Variants in DUSP16 observed in about 807,000 individuals in gnomAD.
The protein encoded by DUSP16 is dual specificity protein phosphatase 16.
In DUSP16, 21 loss-of-function variants were observed where a neutral mutation model predicts 58.3. That is an observed-to-expected ratio of 0.36 (90% CI 0.26 to 0.52). The LOEUF (loss-of-function observed/expected upper bound fraction) is 0.52. Ranked by LOEUF, DUSP16 falls within the 20% of genes least tolerant of loss-of-function variation. DUSP16 has a pLI of 0.94. For missense variants in DUSP16, 726 were observed against 819.0 expected, an observed-to-expected ratio of 0.89 and a Z score of 1.39; for synonymous variants, 320 against 323.8, an observed-to-expected ratio of 0.99 and a Z score of 0.12.
intron 3 of DUSP16, among the ~76,000 whole-genome samples, chr12:12,515,576 C>T (rs1448368138): frequency 6.6e-6 from 1 of 152,060 alleles, no homozygotes; most frequent in African/African-American, 2.4e-5. Flanking sequence ...GATCCGCCCG[C>T]CTCGGCCTCC....
intron 1 of DUSP16, among the ~76,000 whole-genome samples, chr12:12,543,890 A>G (rs1427383972): frequency 6.6e-6 from 1 of 151,682 alleles, no homozygotes; most frequent in Non-Finnish European, 1.5e-5. Context: ...TCTCCCTTAC[A>G]GCATTGATAA....
At chr12:12,481,587 G>A (rs1242342105) in intron 5 of DUSP16, among the ~76,000 whole-genome samples, 1 of 152,154 alleles carries the variant, frequency 6.6e-6, no homozygotes, top group African/African-American at 2.4e-5. Context: ...CTAGTGTAAT[G>A]ATTATTATAT....
chr12:12,553,134 A>T (rs1426773194), intron 1 of DUSP16, among the ~76,000 whole-genome samples: 1 of 152,090 alleles, frequency 6.6e-6, no homozygotes, highest in Non-Finnish European at 1.5e-5. Context: ...TTCAGTTTTA[A>T]TTTCTAATGT....
At chr12:12,532,798 C>T (rs1944409928) in intron 1 of DUSP16, among the ~76,000 whole-genome samples, 1 of 151,902 alleles carries the variant, frequency 6.6e-6, no homozygotes, top group Non-Finnish European at 1.5e-5. Context: ...AAATACAAAA[C>T]TTAGCTGGGC....
intron 4 of DUSP16, 61 bp downstream of exon 4, chr12:12,500,458 C>A: frequency 6.6e-7 from 1 of 1,507,296 alleles, no homozygotes; most frequent in Non-Finnish European, 8.9e-7. Flanking sequence ...TAATGGGTAA[C>A]TGCTGTTTCT....
chr12:12,532,264 G>C (rs908902917), intron 1 of DUSP16, among the ~76,000 whole-genome samples: 2 of 152,162 alleles, frequency 1.3e-5, no homozygotes, highest in African/African-American at 4.8e-5. Context: ...GTATAAGAAA[G>C]GGACAGACTG....
In DUSP16 at chr12:12,477,804, C is replaced by G. The variant is rs367623951; in HGVS notation, c.1027G>C (p.Asp343His). ...SETPLSPPCA[D>H]SATSEAAGQR... ...CCTGCTGCCTCTGAGGTAGCAGAGT[C>G]GGCACAGGGTGGACTGAGGGGCGTC... Residue 343 changes from aspartate (D) to histidine (H), a missense_variant, in exon 7 of 7, where the codon GAC (aspartate) becomes CAC (histidine). Transcript: ENST00000298573. This position sits in a 1 kb window ranked among gnomAD's most constrained non-coding sequence, Gnocchi z 4.1. 1 of 1,613,952 alleles carries G rather than the reference C, an allele frequency of 6.2e-7. No homozygotes were observed. Among genetic ancestry groups the G allele is most frequent in the Admixed American group, 1.7e-5 (1 of 59,998 alleles).
chr12:12,522,981 G>A (rs922144774), intron 1 of DUSP16, among the ~76,000 whole-genome samples: 10 of 152,184 alleles, frequency 6.6e-5, no homozygotes, highest in Admixed American at 3.9e-4. Flanking sequence ...TCCAAAAACA[G>A]TTTAAGATTC....
rs562419640 is a variant in DUSP16 at position 12,514,883 on chromosome 12, T to C, written c.367+4979A>G. 3.3e-5 allele frequency among the ~76,000 whole-genome samples: 5 copies of C among 152,258 alleles called. No homozygotes were observed. The South Asian group carries it at 1.0e-3, about 32-fold the overall frequency. ...TCTGTTGGCCAGGCAGGTCTCAAAC[T>C]CCTGAGCTCAAGTGATCCTCCTGCC... On this transcript the variant is annotated intron_variant, in intron 3 of 6. Transcript: ENST00000298573.
At chr12:12,492,335 C>T (rs1213397020) in intron 4 of DUSP16, among the ~76,000 whole-genome samples, 1 of 152,064 alleles carries the variant, frequency 6.6e-6, no homozygotes, top group Non-Finnish European at 1.5e-5. Context: ...CTGAAACAGT[C>T]AGAGGCAAAT....
intron 1 of DUSP16, among the ~76,000 whole-genome samples, chr12:12,561,305 A>C (rs568603079): frequency 1.3e-5 from 2 of 152,308 alleles, no homozygotes; most frequent in Non-Finnish European, 2.9e-5. Context: ...GAATCCTTGC[A>C]GTTGATGTTT....
chr12:12,506,020 C>A (rs1943990490), intron 3 of DUSP16: 1 of 152,212 alleles, frequency 6.6e-6, no homozygotes, highest in African/African-American at 2.4e-5. Context: ...TTTCACTGAT[C>A]TTTATCTATG....
chr12:12,562,806 C>T lies in DUSP16; in HGVS notation c.-1055G>A, dbSNP rs936103531. On this transcript the variant is annotated 5_prime_UTR_variant, in exon 1 of 7. Coordinates refer to ENST00000298573, the MANE Select transcript of DUSP16 (RefSeq NM_030640.3). The stretch of plus-strand genomic sequence containing the variant: ...GAGCCCGGAGCGCGGCTCCGCGCCT[C>T]GTTCCGGCCGCTCGGGGAGGGGTCA... 5.5e-4 allele frequency among the ~76,000 whole-genome samples: 83 copies of T among 151,748 alleles called. 1 individual carries two copies. In the South Asian group the frequency reaches 0.017, roughly 31 times the overall value.
At chr12:12,485,786 C>CTTTTT (rs749939375) in intron 5 of DUSP16, among the ~76,000 whole-genome samples, 2 of 107,698 alleles carry the variant, frequency 1.9e-5, no homozygotes, top group South Asian at 3.0e-4. Flanking sequence ...GCCAATTCCA[C>CTTTTT]TTTTTTTTTT....
chr12:12,527,097 G>A (rs991015955), intron 1 of DUSP16, among the ~76,000 whole-genome samples: 2 of 152,310 alleles, frequency 1.3e-5, no homozygotes, highest in African/African-American at 4.8e-5. Context: ...ATTTGGTTGG[G>A]CTAGAGCTCA....
intron 5 of DUSP16, among the ~76,000 whole-genome samples, chr12:12,484,594 A>T (rs765350052): frequency 1.3e-5 from 2 of 152,092 alleles, no homozygotes; most frequent in Non-Finnish European, 2.9e-5. Context: ...GTGACGTGCA[A>T]TGGGAACATT....
chr12:12,525,300 A>T (rs191255907), intron 1 of DUSP16, among the ~76,000 whole-genome samples: 1 of 150,718 alleles, frequency 6.6e-6, no homozygotes, highest in East Asian at 2.0e-4. Context: ...ACAGAGTTTC[A>T]CTCTTATTGC....
chr12:12,474,829 G>GGT lies in DUSP16; in HGVS notation c.*2002_*2003dup, dbSNP rs764166994. Reference sequence around the variant, plus strand: ...GGAAGTGGTGAACTGTTACACATTTGGTGTGTGTGTACATAACATCAAAAA... The same window carrying GGT: ...GGAAGTGGTGAACTGTTACACATTTGGTGTGTGTGTGTACATAACATCAAAAA... On this transcript the variant is annotated 3_prime_UTR_variant, in exon 7 of 7. Coordinates refer to ENST00000298573, the MANE Select transcript of DUSP16 (RefSeq NM_030640.3). 18 of 152,276 alleles carry GGT rather than the reference G, an allele frequency of 1.2e-4. No individual in the cohort carries two copies. Among genetic ancestry groups the GGT allele is most frequent in the Non-Finnish European group, 1.9e-4 (13 of 68,026 alleles). The allele number at this position is 152,276 out of a possible 1,614,324, so 9.4% of individuals were successfully genotyped here.
intron 1 of DUSP16, among the ~76,000 whole-genome samples, chr12:12,528,209 A>ATCCTAGACACACTCCTCCTGG (rs1267596406): frequency 3.9e-4 from 59 of 151,916 alleles, no homozygotes; most frequent in African/African-American, 1.4e-3. Flanking sequence ...CCATGTATGT[A>ATCCTAGACACACTCCTCCTGG]TCCTAGACAC....
Sources: allele counts gnomAD v4.1 joint callset (sites outside exome capture counted in the v4.1 genomes callset), GRCh38; gene constraint gnomAD v4.1.1; non-coding constraint Gnocchi (gnomAD v3.1); transcripts MANE v1.5; gene names NCBI Gene and HGNC (gene_info 2026-07-23, HGNC 2026-07-21).